PIAS1: variants seen among roughly 807,000 people sequenced by gnomAD.
PIAS1 encodes the protein protein inhibitor of activated STAT 1, also known as E3 SUMO-protein ligase PIAS1.
Under a neutral mutation model 71.3 loss-of-function variants are expected in PIAS1, and 6 were observed. That is an observed-to-expected ratio of 0.08 (90% confidence interval 0.05 to 0.17). The LOEUF is 0.17. Among genes scored for constraint, PIAS1 ranks in the 10% least tolerant of loss-of-function variants. The pLI is 1.00. For missense variants in PIAS1, 555 were observed against 793.6 expected (o/e 0.70, Z 3.61); for synonymous variants, 303 against 292.9 (o/e 1.03, Z -0.35).
chr15:68,183,046 C>T (rs532715309), intron 12 of PIAS1, among the ~76,000 whole-genome samples: 1 of 152,328 alleles, frequency 6.6e-6, no homozygotes, highest in East Asian at 1.9e-4. Flanking sequence ...TGCAGTGAAT[C>T]CTCAGCAGCC....
intron 2 of PIAS1, among the ~76,000 whole-genome samples, chr15:68,103,827 A>G (rs1208613741): frequency 1.3e-5 from 2 of 152,230 alleles, no homozygotes; most frequent in Non-Finnish European, 2.9e-5. Flanking sequence ...ATATGGATAT[A>G]CCACATTTTG....
intron 1 of PIAS1, among the ~76,000 whole-genome samples, chr15:68,071,427 G>C (rs1253834235): frequency 6.6e-6 from 1 of 150,608 alleles, no homozygotes; most frequent in Non-Finnish European, 1.5e-5. Flanking sequence ...ATGTTGGCCA[G>C]GCTGGTCTTG....
intron 2 of PIAS1, among the ~76,000 whole-genome samples, chr15:68,095,851 G>C (rs1409182728): frequency 6.6e-6 from 1 of 152,066 alleles, no homozygotes; most frequent in Non-Finnish European, 1.5e-5. Flanking sequence ...CTTCATTCCT[G>C]ACAGTGCTTG....
rs780330514 is a variant in PIAS1, at chr15:68,187,615, G to A, written c.1736G>A (p.Arg579Gln). ...GATCAAGACCTCCTACACTCGTCTCGGTTTTTCCCGTATACCTCCTCACAG... is the reference window on the plus strand; with the variant it reads ...GATCAAGACCTCCTACACTCGTCTCAGTTTTTCCCGTATACCTCCTCACAG... ...SDDQDLLHSS[R>Q]FFPYTSSQMF... The change falls in exon 14 of 14, where the codon CGG (arginine) becomes CAG (glutamine). Residue 579 changes from arginine to glutamine, a missense_variant. By Grantham distance (43) the Arg-to-Gln change is conservative (BLOSUM62 1). Transcript: ENST00000249636. The surrounding 1 kb of genome is among the most constrained non-coding windows in gnomAD (Gnocchi z 5.3). 9.3e-6 allele frequency: 15 copies of A among 1,613,802 alleles called. No individual in the cohort carries two copies. The highest frequency in any genetic ancestry group is 2.2e-5 in the East Asian group (1 of 44,892).
chr15:68,113,874 A>G lies in PIAS1; in HGVS notation c.469+27124A>G, dbSNP rs1217921828. On this transcript the variant is annotated intron_variant, in intron 2 of 13. Transcript: ENST00000249636. ...GTTTCTTAGTATAGGTAATTTCTGT[A>G]TGAATGGAAAATTCATGTGTAATTT... 3.3e-5 allele frequency among the ~76,000 whole-genome samples: 5 copies of G among 152,086 alleles called. No individual in the cohort carries two copies. The East Asian group carries it at 9.6e-4, about 29-fold the overall frequency.
intron 2 of PIAS1, among the ~76,000 whole-genome samples, chr15:68,090,927 G>GGTGTGTTTGTGT (rs1555425136): frequency 5.6e-5 from 8 of 142,856 alleles, no homozygotes; most frequent in African/African-American, 1.8e-4. Flanking sequence ...GTCATTTACG[G>GGTGTGTTTGTGT]GTGTGTGTGT....
intron 1 of PIAS1, among the ~76,000 whole-genome samples, chr15:68,056,415 C>A (rs185545356): frequency 6.6e-6 from 1 of 152,144 alleles, no homozygotes; most frequent in Admixed American, 6.6e-5. Flanking sequence ...CGAAAATGAA[C>A]CAGTATCAGA....
Position 68,176,474 on chromosome 15 carries a change from G to T in PIAS1, c.1301G>T (p.Gly434Val). Residue 434 changes from glycine to valine, a missense_variant and splice_region_variant, in exon 11 of 14, where the codon GGA becomes GTA. Around this residue, in one of 5 missense-constraint regions of PIAS1, gnomAD observed 244 missense variants for 307.5 expected, o/e 0.79. Coordinates refer to ENST00000249636, the MANE Select transcript of PIAS1 (RefSeq NM_016166.3). Reference sequence around the variant, plus strand: ...TTGTATTTTAATCATTCCCATATAGGATGCTTGAGCTCCACATTGGAGCAT... The same window carrying T: ...TTGTATTTTAATCATTCCCATATAGTATGCTTGAGCTCCACATTGGAGCAT... The part of the protein sequence containing the change: ...EVSASYNGVD[G>V]CLSSTLEHQV... The T allele has an allele frequency of 1.3e-6, 2 of 1,588,872 alleles. No individual in the cohort carries two copies. Among genetic ancestry groups the T allele is most frequent in the Non-Finnish European group, 1.7e-6 (2 of 1,169,630 alleles).
chr15:68,115,762 T>A (rs2092560222), intron 2 of PIAS1, among the ~76,000 whole-genome samples: 1 of 152,180 alleles, frequency 6.6e-6, no homozygotes, highest in Non-Finnish European at 1.5e-5. Flanking sequence ...GTTGGGTTTT[T>A]GTCAAATGCG....
In PIAS1 at chr15:68,173,418, G is replaced by A. The variant is rs1015077995; in HGVS notation, c.1009-314G>A. Among the ~76,000 whole-genome samples the A allele has an allele frequency of 6.6e-6, 1 of 151,248 alleles. No homozygotes were observed. Among genetic ancestry groups the A allele is most frequent in the South Asian group, 2.1e-4 (1 of 4,806 alleles). ...ACTCTCTCCAGAAAAATGCACACAC[G>A]AAATTTTGAATGTAATTCAAGGGGT... On this transcript the variant is annotated intron_variant, in intron 8 of 13. Transcript: ENST00000249636. This position sits in a 1 kb window ranked among gnomAD's most constrained non-coding sequence, Gnocchi z 4.3.
At position 68,187,229 on chromosome 15, in the gene PIAS1, C is replaced by T. The variant is rs1374029738; in HGVS notation, c.1663-313C>T. ...ACTAGCAAGAGCATGGACTGTCTGC[C>T]CCTCCTGCTGCTTCTGAGCATATGC... On this transcript the variant is annotated intron_variant, in intron 13 of 13. Transcript: ENST00000249636. This position sits in a 1 kb window ranked among gnomAD's most constrained non-coding sequence, Gnocchi z 5.3. Among the ~76,000 whole-genome samples the T allele has an allele frequency of 6.6e-6, 1 of 152,076 alleles. No individual in the cohort carries two copies. The highest frequency in any genetic ancestry group is 1.9e-4 in the East Asian group (1 of 5,202).
At position 68,171,908 on chromosome 15, in the gene PIAS1, AT is replaced by A. The variant is rs201757438; in HGVS notation, c.1009-1817del. Among the ~76,000 whole-genome samples the A allele has an allele frequency of 0.014, 2,136 of 151,268 alleles. 26 individuals are homozygous for A. Among genetic ancestry groups the A allele is most frequent in the African/African-American group, 0.035 (1,444 of 41,262 alleles). ...GCCTTTATATTTTTCTTTCATATAT[AT>A]TTTTTTCTTTTATATGTTTTATATA... On this transcript the variant is annotated intron_variant, in intron 8 of 13. Coordinates refer to ENST00000249636, the MANE Select transcript of PIAS1 (RefSeq NM_016166.3). This position sits in a 1 kb window ranked among gnomAD's most constrained non-coding sequence, Gnocchi z 4.4.
chr15:68,157,025 A>AT (rs1237289492), intron 7 of PIAS1, among the ~76,000 whole-genome samples: 1 of 152,238 alleles, frequency 6.6e-6, no homozygotes, highest in African/African-American at 2.4e-5. Context: ...TTTGAGAAGC[A>AT]TTGAAATGGC....
In PIAS1 at chr15:68,147,255, C is replaced by T. The variant is rs150463676; in HGVS notation, c.828+555C>T. Reference sequence around the variant, plus strand: ...TGACTTTCAGTGTTATTTGCGTGCTCGTTAACACTATTATCTTCTTTGAAA... The same window carrying T: ...TGACTTTCAGTGTTATTTGCGTGCTTGTTAACACTATTATCTTCTTTGAAA... On this transcript the variant is annotated intron_variant, in intron 6 of 13. Coordinates refer to ENST00000249636, the MANE Select transcript of PIAS1 (RefSeq NM_016166.3). Among the ~76,000 whole-genome samples the T allele has an allele frequency of 1.5e-3, 224 of 152,234 alleles. 5 individuals are homozygous for T. In the East Asian group the frequency reaches 0.031, roughly 21 times the overall value.
At chr15:68,099,793 A>G (rs1239798512) in intron 2 of PIAS1, among the ~76,000 whole-genome samples, 2 of 151,338 alleles carry the variant, frequency 1.3e-5, no homozygotes, top group African/African-American at 4.9e-5. Context: ...CATATTTGTT[A>G]TTGTCACTTT....
intron 7 of PIAS1, among the ~76,000 whole-genome samples, chr15:68,158,009 T>C (rs2092902397): frequency 6.6e-6 from 1 of 152,208 alleles, no homozygotes; most frequent in Admixed American, 6.5e-5. Flanking sequence ...AGATAAAACA[T>C]CCCTCTCCTT....
chr15:68,098,950 C>G (rs1249940837), intron 2 of PIAS1, among the ~76,000 whole-genome samples: 1 of 152,088 alleles, frequency 6.6e-6, no homozygotes, highest in African/African-American at 2.4e-5. Flanking sequence ...AAATTTCCCT[C>G]TAGAGAAAGG....
intron 1 of PIAS1, among the ~76,000 whole-genome samples, chr15:68,063,024 TG>T (rs2091978238): frequency 8.4e-6 from 1 of 119,750 alleles, no homozygotes; most frequent in Non-Finnish European, 2.0e-5. Flanking sequence ...TATACACTAC[TG>T]GTTTTTTTAA....
rs1174463509 is a variant in PIAS1 at position 68,187,249 on chromosome 15, A to G, written c.1663-293A>G. Among the ~76,000 whole-genome samples, 1 of 152,230 alleles carries G rather than the reference A, an allele frequency of 6.6e-6. No individual in the cohort carries two copies. The highest frequency in any genetic ancestry group is 2.4e-5 in the African/African-American group (1 of 41,454). ...TCTGCCCCTCCTGCTGCTTCTGAGC[A>G]TATGCTTCTTGGGAAATAGAATTGG... On this transcript the variant is annotated intron_variant, in intron 13 of 13. Coordinates refer to ENST00000249636, the MANE Select transcript of PIAS1 (RefSeq NM_016166.3). This position sits in a 1 kb window ranked among gnomAD's most constrained non-coding sequence, Gnocchi z 5.3.
Sources: allele counts gnomAD v4.1 joint callset (sites outside exome capture counted in the v4.1 genomes callset), GRCh38; gene constraint gnomAD v4.1.1; regional missense constraint gnomAD v4.1.1; non-coding constraint Gnocchi (gnomAD v3.1); transcripts MANE v1.5; gene names NCBI Gene and HGNC (gene_info 2026-07-23, HGNC 2026-07-21).